The following SHANK2 variants were observed in gnomAD, a reference collection of about 807,000 sequenced individuals.
The protein encoded by SHANK2 is SH3 and multiple ankyrin repeat domains 2.
Under a neutral mutation model 133.7 loss-of-function variants are expected in SHANK2, and 43 were observed. The observed-to-expected ratio is 0.32, with a 90% CI of 0.25 to 0.41. SHANK2 has a LOEUF of 0.41. Ranked by LOEUF, SHANK2 falls within the 10% of genes least tolerant of loss-of-function variation. The pLI is 1.00. For missense variants in SHANK2, 1,994 were observed against 2,235.8 expected (o/e 0.89, Z 2.18); for synonymous variants, 1,017 against 952.8 (o/e 1.07, Z -1.24).
At chr11:70,564,251 C>A (rs189779889) in intron 17 of SHANK2, among the ~76,000 whole-genome samples, 1 of 151,072 alleles carries the variant, frequency 6.6e-6, no homozygotes, top group Non-Finnish European at 1.5e-5. Flanking sequence ...AAATATTTTT[C>A]TTTTCTTTTC....
chr11:70,489,705 G>A, intron 23 of SHANK2: 1 of 359,708 alleles, frequency 2.8e-6, no homozygotes, highest in South Asian at 3.2e-5. Flanking sequence ...GTCTCAAAGG[G>A]TCAAGTGTGA....
intron 17 of SHANK2, among the ~76,000 whole-genome samples, chr11:70,622,063 C>T (rs1427171387): frequency 6.6e-6 from 1 of 152,180 alleles, no homozygotes; most frequent in Non-Finnish European, 1.5e-5. Flanking sequence ...GCTGGCTGCC[C>T]CAGGCACATT....
At chr11:70,931,971 T>C (rs1378251524) in intron 10 of SHANK2, among the ~76,000 whole-genome samples, 1 of 152,184 alleles carries the variant, frequency 6.6e-6, no homozygotes, top group Non-Finnish European at 1.5e-5. Flanking sequence ...TAAGAAACAC[T>C]GAAAGAGCCT....
chr11:70,780,997 A>C (rs781820945), intron 14 of SHANK2, among the ~76,000 whole-genome samples: 4 of 152,126 alleles, frequency 2.6e-5, no homozygotes, highest in Non-Finnish European at 4.4e-5. Flanking sequence ...GAGATTTTGA[A>C]CTAAGCAGTA....
At chr11:71,151,603 CA>C (rs1952798150) in intron 2 of SHANK2, among the ~76,000 whole-genome samples, 1 of 151,996 alleles carries the variant, frequency 6.6e-6, no homozygotes, top group African/African-American at 2.4e-5. Flanking sequence ...CAAAGCTACT[CA>C]GAGCTCATGT....
intron 14 of SHANK2, among the ~76,000 whole-genome samples, chr11:70,720,704 T>C (rs1555028807): frequency 6.6e-6 from 1 of 152,238 alleles, no homozygotes; most frequent in African/African-American, 2.4e-5. Flanking sequence ...CTGTGTGTTC[T>C]TGCGGTATAC....
chr11:71,121,039 C>G (rs1952076013), intron 3 of SHANK2, among the ~76,000 whole-genome samples: 1 of 152,224 alleles, frequency 6.6e-6, no homozygotes, highest in Non-Finnish European at 1.5e-5. Flanking sequence ...GGGGCCAACC[C>G]CACAAAGCAA....
rs375201447 is a variant in SHANK2, at chr11:70,735,384, G to A, written c.1778-36621C>T. 8.3e-4 allele frequency among the ~76,000 whole-genome samples: 127 copies of A among 152,238 alleles called. 3 individuals carry two copies. The South Asian group carries it at 0.025, about 30-fold the overall frequency. On this transcript the variant is annotated intron_variant, in intron 14 of 25. Coordinates refer to ENST00000601538, the MANE Select transcript of SHANK2 (RefSeq NM_012309.5). ...ACCTGTGGAGGCTTCCTGGGGTCCC[G>A]CAAGCCAGCCTCACCCAGCATGATA...
chr11:70,666,396 G>T (rs955024605), intron 15 of SHANK2, among the ~76,000 whole-genome samples: 8 of 152,184 alleles, frequency 5.3e-5, no homozygotes, highest in African/African-American at 1.4e-4. Flanking sequence ...AGACAGGGGG[G>T]TCTCACACGC....
chr11:71,144,460 C>G (rs1380839383), intron 3 of SHANK2, among the ~76,000 whole-genome samples: 2 of 152,142 alleles, frequency 1.3e-5, no homozygotes, highest in African/African-American at 2.4e-5. Flanking sequence ...GTCCAGCTAT[C>G]TAATGGAAAG....
intron 2 of SHANK2, among the ~76,000 whole-genome samples, chr11:71,150,897 C>G (rs1952783597): frequency 6.6e-6 from 1 of 152,110 alleles, no homozygotes; most frequent in Admixed American, 6.5e-5. Context: ...TGAGAATGGG[C>G]TTTATAAGAA....
At chr11:70,632,449 C>G (rs1198470) in intron 17 of SHANK2, among the ~76,000 whole-genome samples, 1 of 152,112 alleles carries the variant, frequency 6.6e-6, no homozygotes, top group African/African-American at 2.4e-5. Context: ...GGGCCCCGAA[C>G]AGCTGCAGGT....
chr11:70,640,520 C>T (rs2061164612), intron 17 of SHANK2, among the ~76,000 whole-genome samples: 1 of 152,224 alleles, frequency 6.6e-6, no homozygotes, highest in Non-Finnish European at 1.5e-5. Flanking sequence ...TGTCTCAGGC[C>T]ACTCAGTTTC....
intron 17 of SHANK2, among the ~76,000 whole-genome samples, chr11:70,653,854 G>A (rs577929553): frequency 2.0e-5 from 3 of 152,162 alleles, no homozygotes; most frequent in African/African-American, 4.8e-5. Flanking sequence ...TGCTGGTCTC[G>A]AACTCCTGAC....
intron 8 of SHANK2, among the ~76,000 whole-genome samples, chr11:71,076,146 G>C (rs1429762363): frequency 6.6e-6 from 1 of 152,102 alleles, no homozygotes; most frequent in Non-Finnish European, 1.5e-5. Context: ...CCCCGCACAG[G>C]TGATGAGGGC....
intron 17 of SHANK2, among the ~76,000 whole-genome samples, chr11:70,531,689 G>A (rs2059474232): frequency 1.3e-5 from 2 of 152,214 alleles, no homozygotes; most frequent in African/African-American, 4.8e-5. Flanking sequence ...AGCACCTCGG[G>A]GCTGGCATGG....
intron 14 of SHANK2, among the ~76,000 whole-genome samples, chr11:70,769,237 C>T (rs1366859367): frequency 4.6e-5 from 7 of 152,164 alleles, no homozygotes; most frequent in African/African-American, 9.7e-5. Flanking sequence ...CATCAGGGCC[C>T]GTGCTCCTGG....
rs530270108 is a variant in SHANK2, at chr11:71,188,321, C to T, written c.-13+36376G>A. Among the ~76,000 whole-genome samples the T allele has an allele frequency of 3.2e-4, 48 of 152,228 alleles. No homozygotes were observed. Among genetic ancestry groups the T allele is most frequent in the African/African-American group, 1.1e-3 (45 of 41,536 alleles). On this transcript the variant is annotated intron_variant, in intron 2 of 25. Transcript: ENST00000601538. This position sits in a 1 kb window ranked among gnomAD's most constrained non-coding sequence, Gnocchi z 4.6. ...CATCTGCCCAGCCCCTTCCAGCATA[C>T]GCCTGAGAAGGTCAGCCCCAAACGC...
At chr11:71,110,562 C>T (rs1280657808) in intron 5 of SHANK2, among the ~76,000 whole-genome samples, 1 of 152,222 alleles carries the variant, frequency 6.6e-6, no homozygotes, top group Non-Finnish European at 1.5e-5. Context: ...TGCCTCTGCA[C>T]TCCAGCCTGG....
Sources: allele counts gnomAD v4.1 joint callset (sites outside exome capture counted in the v4.1 genomes callset), GRCh38; gene constraint gnomAD v4.1.1; non-coding constraint Gnocchi (gnomAD v3.1); transcripts MANE v1.5; gene names NCBI Gene and HGNC (gene_info 2026-07-23, HGNC 2026-07-21).